Variants in NECAP2 observed in about 807,000 individuals in gnomAD.
The protein encoded by NECAP2 is adaptin ear-binding coat-associated protein 2.
NECAP2 carries 38 observed loss-of-function variants against 37.8 expected under a neutral mutation model. That is an observed-to-expected ratio of 1.01 (90% CI 0.78 to 1.32). NECAP2 has a LOEUF of 1.32. NECAP2 is among the 40% of genes most tolerant of loss of function. NECAP2 has a pLI of 0.00. For synonymous variants in NECAP2, 121 were observed against 127.7 expected (o/e 0.95, Z 0.35); for missense variants, 316 against 334.5 (o/e 0.94, Z 0.43).
At chr1:16,455,708 T>A (rs1217309094) in intron 6 of NECAP2, 110 bp from the exon 7 acceptor site, 20 of 859,482 alleles carry the variant, frequency 2.3e-5, no homozygotes, top group Non-Finnish European at 3.5e-5. Flanking sequence ...CCTGGTGTCA[T>A]GAGACTGATC....
At chr1:16,447,062 G>GAA (rs57135732) in intron 2 of NECAP2, among the ~76,000 whole-genome samples, 1 of 133,270 alleles carries the variant, frequency 7.5e-6, no homozygotes, top group African/African-American at 2.8e-5. Flanking sequence ...TCCATCTCAG[G>GAA]AAAAAAAAAA....
At chr1:16,445,998 C>G (rs546762604) in intron 2 of NECAP2, among the ~76,000 whole-genome samples, 4 of 151,878 alleles carry the variant, frequency 2.6e-5, no homozygotes, top group Admixed American at 2.6e-4. Context: ...CACCTGAGGT[C>G]GGGAGTTTGA....
chr1:16,445,402 T>C (rs2086745821), intron 2 of NECAP2, among the ~76,000 whole-genome samples: 2 of 152,228 alleles, frequency 1.3e-5, no homozygotes, highest in Non-Finnish European at 2.9e-5. Context: ...CAGATGCCAG[T>C]AGCACCCCCC....
chr1:16,452,057 C>T, intron 6 of NECAP2, 42 bp downstream of exon 6: 1 of 1,510,214 alleles, frequency 6.6e-7, no homozygotes, highest in Non-Finnish European at 8.9e-7. Flanking sequence ...TACCTGCCGG[C>T]TCCTCTTCTC....
intron 7 of NECAP2, among the ~76,000 whole-genome samples, chr1:16,458,595 AAAAC>A (rs934778088): frequency 7.8e-5 from 11 of 140,322 alleles, no homozygotes; most frequent in African/African-American, 1.8e-4. Context: ...TCTCAAAAAA[AAAAC>A]AAAACAAAAA....
chr1:16,449,618 A>G, intron 5 of NECAP2: 1 of 181,742 alleles, frequency 5.5e-6, no homozygotes, highest in Non-Finnish European at 1.2e-5. Flanking sequence ...AGCATCAGTC[A>G]TTTGCTGCCA....
rs1400425696 is a variant in NECAP2 at position 16,450,081 on chromosome 1, C to G, written c.489+880C>G. ...CTTTTCCTCTTTACTTACTCTTTCT[C>G]CTCTTTTCTGCTTCGTGCTGGTGAT... is the stretch of plus-strand genomic sequence containing the variant. On this transcript the variant is annotated intron_variant, in intron 5 of 7. Transcript: ENST00000337132. 3 of 409,418 alleles carry G rather than the reference C, an allele frequency of 7.3e-6. 1 individual carries two copies. The East Asian group carries it at 2.2e-4, about 30-fold the overall frequency. 25.4% of individuals were successfully genotyped at this position (409,418 alleles called of 1,614,324 possible). A position where few individuals can be genotyped will look rare whatever the true frequency, so the allele number is the denominator to read the frequency against.
At chr1:16,457,164 T>C (rs75854832) in intron 7 of NECAP2, among the ~76,000 whole-genome samples, 2,602 of 152,236 alleles carry the variant, frequency 0.017, 78 homozygotes, top group African/African-American at 0.06. Context: ...TTTACAAAAA[T>C]AGAGGCATGG....
At chr1:16,458,811 TC>T (rs752728713) in intron 7 of NECAP2, 30 bp from the exon 8 acceptor site, 2 of 1,610,180 alleles carry the variant, frequency 1.2e-6, no homozygotes, top group South Asian at 1.1e-5. Flanking sequence ...AGATCTGAAC[TC>T]CCCCACCCTT....
chr1:16,446,203 C>T (rs996190069), intron 2 of NECAP2, among the ~76,000 whole-genome samples: 7 of 152,144 alleles, frequency 4.6e-5, no homozygotes, highest in African/African-American at 1.2e-4. Flanking sequence ...AGTGAAACTC[C>T]GTCTTGGAAA....
chr1:16,441,115 G>T (rs949559025), intron 1 of NECAP2: 2 of 513,224 alleles, frequency 3.9e-6, no homozygotes, highest in Non-Finnish European at 7.0e-6. Context: ...GGGCTGCCGG[G>T]TACCCTAAAC....
In NECAP2 at chr1:16,457,138, T is replaced by C. The variant is rs532480518; in HGVS notation, c.743+1245T>C. 5.9e-5 allele frequency among the ~76,000 whole-genome samples: 9 copies of C among 152,322 alleles called. No individual in the cohort carries two copies. The East Asian group carries it at 1.7e-3, about 29-fold the overall frequency. ...ATGTAAATAAATCAGCATGGCTGTG[T>C]GCCAGTAAAATTTTATTTACAAAAA... On this transcript the variant is annotated intron_variant, in intron 7 of 7. Transcript: ENST00000337132.
At chr1:16,448,663 T>C (rs1020784934) in intron 4 of NECAP2, among the ~76,000 whole-genome samples, 1 of 152,080 alleles carries the variant, frequency 6.6e-6, no homozygotes, top group East Asian at 1.9e-4. Flanking sequence ...TGGGGGACTT[T>C]TGTGTTGCCC....
At position 16,448,214 on chromosome 1, in the gene NECAP2, G is replaced by A; in HGVS notation, c.380+73G>A. The A allele has an allele frequency of 9.2e-6, 13 of 1,417,892 alleles. No homozygotes were observed. In the South Asian group the frequency reaches 1.0e-4, roughly 11 times the overall value. 87.8% of individuals were successfully genotyped at this position (1,417,892 alleles called of 1,614,324 possible). On this transcript the variant is annotated intron_variant, in intron 4 of 7. Transcript: ENST00000337132. ...TGGACAGAATGATCTCCCAGGTTAGGATACCCAAGTGTTTGTGTGTGATTT... is the reference window on the plus strand; with the variant it reads ...TGGACAGAATGATCTCCCAGGTTAGAATACCCAAGTGTTTGTGTGTGATTT...
At chr1:16,440,899 C>T (rs749706083) in intron 1 of NECAP2, 46 bp downstream of exon 1, 29 of 1,537,118 alleles carry the variant, frequency 1.9e-5, no homozygotes, top group Non-Finnish European at 2.6e-5. Flanking sequence ...TTAACCCTTT[C>T]TCCGCCACCC....
At chr1:16,447,064 A>T (rs868300950) in intron 2 of NECAP2, among the ~76,000 whole-genome samples, 1 of 28,888 alleles carries the variant, frequency 3.5e-5, no homozygotes, top group Non-Finnish European at 6.5e-5. Context: ...CATCTCAGGA[A>T]AAAAAAAAAA....
At chr1:16,447,569 T>C (rs1354326795) in intron 2 of NECAP2, among the ~76,000 whole-genome samples, 1 of 152,188 alleles carries the variant, frequency 6.6e-6, no homozygotes, top group Non-Finnish European at 1.5e-5. Context: ...CTCCAACTTA[T>C]TCTCAGGTGG....
intron 5 of NECAP2, 62 bp downstream of exon 5, chr1:16,449,263 C>A: frequency 2.7e-6 from 3 of 1,127,404 alleles, no homozygotes; most frequent in Non-Finnish European, 3.9e-6. Context: ...GCCCCAGAGC[C>A]CATTGCTCTT....
chr1:16,455,384 A>G (rs77359213), intron 6 of NECAP2: 4,879 of 174,278 alleles, frequency 0.028, 88 homozygotes, highest in Non-Finnish European at 0.039. Flanking sequence ...TCATCCAGAC[A>G]TGGTAGTGCA....
Sources: gnomAD v4.1 joint callset for allele counts (sites outside exome capture counted in the v4.1 genomes callset) on GRCh38, gnomAD v4.1.1 for gene constraint, MANE v1.5 for transcripts, NCBI Gene and HGNC (gene_info 2026-07-23, HGNC 2026-07-21) for gene names.